Variants in C12orf42 observed in about 807,000 individuals in gnomAD.
The protein encoded by C12orf42 is chromosome 12 open reading frame 42.
Under a neutral mutation model 21.6 loss-of-function variants are expected in C12orf42, and 25 were observed. The ratio of observed to expected loss-of-function variants is 1.16; its 90% CI spans 0.84 to 1.62. C12orf42 has a LOEUF of 1.62. Among genes scored for constraint, C12orf42 ranks in the 40% most tolerant of loss-of-function variants. The pLI is 0.00. For missense variants in C12orf42, 483 were observed against 459.3 expected, an observed-to-expected ratio of 1.05 and a Z score of -0.47; for synonymous variants, 174 against 175.0, an observed-to-expected ratio of 0.99 and a Z score of 0.05.
intron 2 of C12orf42, among the ~76,000 whole-genome samples, chr12:103,448,628 A>G (rs1243815653): frequency 6.6e-6 from 1 of 152,044 alleles, no homozygotes; most frequent in African/African-American, 2.4e-5. Flanking sequence ...GGATAACGAC[A>G]TGAACAGACA....
chr12:103,232,989 AG>A (rs1326632857), downstream of C12orf42, among the ~76,000 whole-genome samples: 1 of 152,178 alleles, frequency 6.6e-6, no homozygotes, highest in Non-Finnish European at 1.5e-5. Flanking sequence ...TAATCTGGTA[AG>A]TGAGATATGT....
the C12orf42 span, among the ~76,000 whole-genome samples, chr12:103,079,754 T>C: frequency 6.6e-6 from 1 of 152,214 alleles, no homozygotes; most frequent in Non-Finnish European, 1.5e-5. Context: ...AAGCATCCTT[T>C]CAACATGCCT....
chr12:103,402,891 C>T (rs2048126895), intron 2 of C12orf42, among the ~76,000 whole-genome samples: 1 of 152,094 alleles, frequency 6.6e-6, no homozygotes, highest in East Asian at 1.9e-4. Context: ...TGGGGAGGGT[C>T]ATAGATTTCA....
chr12:103,146,563 A>AGAAAGAAAGAAAGAAAGAAT, the C12orf42 span, among the ~76,000 whole-genome samples: 1 of 123,648 alleles, frequency 8.1e-6, no homozygotes, highest in Admixed American at 7.7e-5. Flanking sequence ...AAGAAAGAAA[A>AGAAAGAAAGAAAGAAAGAAT]GAAAGAAAGA....
chr12:103,287,946 G>A (rs2036577984), intron 4 of C12orf42, among the ~76,000 whole-genome samples: 2 of 152,088 alleles, frequency 1.3e-5, no homozygotes, highest in South Asian at 4.1e-4. Flanking sequence ...CTTTCTAATG[G>A]CCACTTGCCT....
chr12:103,262,939 G>A (rs1186663679), intron 10 of C12orf42, among the ~76,000 whole-genome samples: 1 of 152,204 alleles, frequency 6.6e-6, no homozygotes, highest in Non-Finnish European at 1.5e-5. Flanking sequence ...TTAAGAAAAT[G>A]TGGCACATAT....
chr12:103,321,054 AG>A (rs2040044302), intron 4 of C12orf42, among the ~76,000 whole-genome samples: 1 of 152,226 alleles, frequency 6.6e-6, no homozygotes, highest in Non-Finnish European at 1.5e-5. Flanking sequence ...TACTTTAGAA[AG>A]TTTTTTTAAA....
chr12:103,446,440 C>T lies in C12orf42; in HGVS notation c.78+31909G>A, dbSNP rs1320487146. On this transcript the variant is annotated intron_variant, in intron 2 of 5. Coordinates refer to ENST00000548883, the MANE Select transcript of C12orf42 (RefSeq NM_198521.5). ...CATAAATCTCACAGGACCTATATAA[C>T]AATAACACAATTTTAAAAAAGGTAT... Among the ~76,000 whole-genome samples, 4 of 151,876 alleles carry T rather than the reference C, an allele frequency of 2.6e-5. No homozygotes were observed. The East Asian group carries it at 5.8e-4, about 22-fold the overall frequency.
the C12orf42 span, among the ~76,000 whole-genome samples, chr12:103,551,386 A>G: frequency 0.48 from 72,847 of 152,048 alleles, 18,691 homozygotes; most frequent in South Asian, 0.7. Context: ...GCATGGTGGT[A>G]CACATCTGTA....
At chr12:103,099,350 A>G in the C12orf42 span, among the ~76,000 whole-genome samples, 2 of 152,210 alleles carry the variant, frequency 1.3e-5, no homozygotes, top group Non-Finnish European at 2.9e-5. Context: ...AAAATTATCA[A>G]TAAGTAGAAA....
chr12:103,071,796 C>T, the C12orf42 span, among the ~76,000 whole-genome samples: 1 of 152,130 alleles, frequency 6.6e-6, no homozygotes, highest in Non-Finnish European at 1.5e-5. Flanking sequence ...TCAGTCTTGA[C>T]TATGTCTTTG....
At chr12:103,120,275 G>A in the C12orf42 span, among the ~76,000 whole-genome samples, 1 of 152,206 alleles carries the variant, frequency 6.6e-6, no homozygotes, top group East Asian at 1.9e-4. Flanking sequence ...GAAGCATAGA[G>A]TGAGGACTGG....
At chr12:103,405,416 T>C (rs1331671364) in intron 2 of C12orf42, among the ~76,000 whole-genome samples, 1 of 152,140 alleles carries the variant, frequency 6.6e-6, no homozygotes, top group Non-Finnish European at 1.5e-5. Context: ...TGGAGGGGCA[T>C]GTTCCAATGG....
At chr12:103,331,734 G>A (rs1035790883) in intron 4 of C12orf42, among the ~76,000 whole-genome samples, 9 of 152,138 alleles carry the variant, frequency 5.9e-5, no homozygotes, top group African/African-American at 1.4e-4. Context: ...CACGCAGCGC[G>A]GCAGCCGGAC....
At chr12:103,145,004 C>T in the C12orf42 span, among the ~76,000 whole-genome samples, 1 of 152,074 alleles carries the variant, frequency 6.6e-6, no homozygotes, top group African/African-American at 2.4e-5. Context: ...ATGTGATCTA[C>T]CCTGGATATA....
chr12:103,390,918 C>T (rs533886258), intron 3 of C12orf42, among the ~76,000 whole-genome samples: 1 of 152,314 alleles, frequency 6.6e-6, no homozygotes, highest in South Asian at 2.1e-4. Context: ...CAAAGAACAG[C>T]TAATGCTAAT....
the C12orf42 span, among the ~76,000 whole-genome samples, chr12:103,087,027 C>T: frequency 6.6e-6 from 1 of 152,082 alleles, no homozygotes; most frequent in Non-Finnish European, 1.5e-5. Context: ...ACTTAGTATT[C>T]CATTTAGTAA....
the C12orf42 span, among the ~76,000 whole-genome samples, chr12:103,223,235 G>A: frequency 1.3e-5 from 2 of 152,224 alleles, no homozygotes; most frequent in South Asian, 4.2e-4. Flanking sequence ...TGTTTCTCAG[G>A]GCTGCTTCAA....
chr12:103,270,585 A>T (rs994929588), intron 5 of C12orf42, among the ~76,000 whole-genome samples: 15 of 141,604 alleles, frequency 1.1e-4, no homozygotes, highest in Non-Finnish European at 1.2e-4. Flanking sequence ...TATTTATTTT[A>T]TTATTATTAT....
Sources: gnomAD v4.1 joint callset for allele counts (sites outside exome capture counted in the v4.1 genomes callset) on GRCh38, gnomAD v4.1.1 for gene constraint, MANE v1.5 for transcripts, NCBI Gene and HGNC (gene_info 2026-07-23, HGNC 2026-07-21) for gene names.